DUS2: variants seen among roughly 807,000 people sequenced by gnomAD.
DUS2 encodes dihydrouridine synthase 2.
Under a neutral mutation model 71.3 loss-of-function variants are expected in DUS2, and 52 were observed. The observed-to-expected ratio is 0.73, with a 90% confidence interval of 0.58 to 0.92. DUS2 has a LOEUF of 0.92. Ranked by LOEUF, DUS2 falls within the 40% of genes least tolerant of loss-of-function variation. The pLI is 0.00. For synonymous variants in DUS2, 204 were observed against 227.8 expected (o/e 0.90, Z 0.94); for missense variants, 558 against 622.6 (o/e 0.90, Z 1.10).
intron 1 of DUS2, among the ~76,000 whole-genome samples, chr16:68,024,827 G>C (rs2033320413): frequency 1.3e-5 from 2 of 148,848 alleles, no homozygotes; most frequent in Non-Finnish European, 1.5e-5. Flanking sequence ...ACAATGGCTG[G>C]ATACTTTTTT....
chr16:68,047,483 CATT>C (rs753961761), intron 3 of DUS2, among the ~76,000 whole-genome samples: 36 of 151,202 alleles, frequency 2.4e-4, no homozygotes, highest in South Asian at 8.4e-4. Flanking sequence ...TTGTTGTTGT[CATT>C]GTTGTTTTTT....
chr16:68,030,722 C>G (rs1411799717), intron 2 of DUS2, among the ~76,000 whole-genome samples: 2 of 151,958 alleles, frequency 1.3e-5, no homozygotes. Context: ...TATCAGTAGA[C>G]ATTTTGGTTT....
chr16:68,043,734 A>T (rs149834066), intron 3 of DUS2, among the ~76,000 whole-genome samples: 5,705 of 152,180 alleles, frequency 0.037, 118 homozygotes, highest in Middle Eastern at 0.15. Context: ...GCACCATCTC[A>T]GCTCACTGCA....
intron 8 of DUS2, among the ~76,000 whole-genome samples, chr16:68,065,949 G>A (rs1435105489): frequency 6.6e-6 from 1 of 152,100 alleles, no homozygotes; most frequent in Admixed American, 6.5e-5. Context: ...AAATAATAGT[G>A]TGGAATTCAA....
intron 4 of DUS2, among the ~76,000 whole-genome samples, chr16:68,051,500 C>T (rs1449353936): frequency 6.6e-6 from 1 of 152,180 alleles, no homozygotes; most frequent in African/African-American, 2.4e-5. Context: ...AAATGATCAT[C>T]CTGCCTCAGC....
intron 4 of DUS2, among the ~76,000 whole-genome samples, chr16:68,052,176 G>C (rs1023318878): frequency 6.6e-6 from 1 of 152,110 alleles, no homozygotes; most frequent in Non-Finnish European, 1.5e-5. Flanking sequence ...AAAGTGCTGG[G>C]ATTACAGGTG....
chr16:68,054,482 T>A (rs921953861), intron 5 of DUS2, 92 bp from the exon 6 acceptor site: 7 of 1,317,698 alleles, frequency 5.3e-6, no homozygotes, highest in Non-Finnish European at 7.7e-6. Flanking sequence ...GTGTGGGGTG[T>A]GTGTGTGTAT....
At chr16:68,045,371 C>G (rs991333454) in intron 3 of DUS2, among the ~76,000 whole-genome samples, 1 of 151,548 alleles carries the variant, frequency 6.6e-6, no homozygotes, top group Non-Finnish European at 1.5e-5. Context: ...TTTGGGAGAC[C>G]GAGGCGGGTG....
intron 6 of DUS2, among the ~76,000 whole-genome samples, chr16:68,054,940 G>A (rs2033830930): frequency 6.6e-6 from 1 of 152,122 alleles, no homozygotes; most frequent in African/African-American, 2.4e-5. Context: ...CTACTCAGGA[G>A]GCTGAGGCAG....
chr16:68,044,866 C>T (rs948617951), intron 3 of DUS2, among the ~76,000 whole-genome samples: 44 of 152,316 alleles, frequency 2.9e-4, no homozygotes, highest in African/African-American at 1.1e-3. Flanking sequence ...AATCTCAGCT[C>T]ACTGCAACCT....
chr16:68,023,501 T>C, intron 1 of DUS2, 150 bp downstream of exon 1: 1 of 419,316 alleles, frequency 2.4e-6, no homozygotes, highest in Non-Finnish European at 4.5e-6. Flanking sequence ...CTTCTGGCGA[T>C]TGGTTACCTG....
At chr16:68,041,371 G>C (rs2033623053) in intron 3 of DUS2, among the ~76,000 whole-genome samples, 1 of 152,168 alleles carries the variant, frequency 6.6e-6, no homozygotes, top group South Asian at 2.1e-4. Flanking sequence ...CCGCGTTCCT[G>C]TTTCTTTTTA....
chr16:68,028,016 T>C (rs7193659), intron 2 of DUS2, among the ~76,000 whole-genome samples: 6,138 of 152,258 alleles, frequency 0.04, 409 homozygotes, highest in African/African-American at 0.14. Context: ...CCAGACCTTA[T>C]ATTTACTGTG....
At chr16:68,025,234 G>A (rs1296152548) in intron 1 of DUS2, 181 bp from the exon 2 acceptor site, 3 of 152,056 alleles carry the variant, frequency 2.0e-5, no homozygotes, top group African/African-American at 7.3e-5. Flanking sequence ...TACTCGGGAG[G>A]CTGAGGCAGG....
chr16:68,034,485 C>T (rs765416985), intron 2 of DUS2, among the ~76,000 whole-genome samples: 13 of 151,996 alleles, frequency 8.6e-5, no homozygotes, highest in Admixed American at 1.3e-4. Context: ...CCCAAGTAAC[C>T]GGGACTATAG....
At chr16:68,062,777 T>A (rs2151422624) in intron 8 of DUS2, among the ~76,000 whole-genome samples, 1 of 151,132 alleles carries the variant, frequency 6.6e-6, no homozygotes, top group South Asian at 2.1e-4. Flanking sequence ...AGAGCCAGCT[T>A]GTGAACTATA....
In DUS2 at chr16:68,047,364, T is replaced by C. The variant is rs1245212903; in HGVS notation, c.127-2141T>C. The stretch of plus-strand genomic sequence containing the variant: ...CTGCCGCGTCTGGCCTCTCTCATTC[T>C]GATTTTAATAATTTTTGTCTTCTCT... On this transcript the variant is annotated intron_variant, in intron 3 of 16. Coordinates refer to ENST00000565263, the MANE Select transcript of DUS2 (RefSeq NM_017803.5). 5.9e-5 allele frequency among the ~76,000 whole-genome samples: 9 copies of C among 152,240 alleles called. 1 individual carries two copies. In the East Asian group the frequency reaches 1.5e-3, roughly 26 times the overall value.
intron 13 of DUS2, among the ~76,000 whole-genome samples, chr16:68,074,549 T>C (rs774244818): frequency 1.3e-5 from 2 of 152,216 alleles, no homozygotes; most frequent in Non-Finnish European, 2.9e-5. Flanking sequence ...GTTGATTCTC[T>C]AGATCAGGTG....
chr16:68,075,042 G>A (rs572683723), intron 13 of DUS2, among the ~76,000 whole-genome samples: 1 of 152,174 alleles, frequency 6.6e-6, no homozygotes, highest in Non-Finnish European at 1.5e-5. Flanking sequence ...ACTCAGTCAC[G>A]GCTGGCTGGG....
Sources: allele counts gnomAD v4.1 joint callset (sites outside exome capture counted in the v4.1 genomes callset), GRCh38; gene constraint gnomAD v4.1.1; transcripts MANE v1.5; gene names NCBI Gene and HGNC (gene_info 2026-07-23, HGNC 2026-07-21).